The following SCMH1 variants were observed in gnomAD, a reference collection of about 807,000 sequenced individuals.
The protein encoded by SCMH1 is polycomb protein SCMH1.
SCMH1 carries 37 observed loss-of-function variants against 70.8 expected under a neutral mutation model. The ratio of observed to expected loss-of-function variants is 0.52; its 90% confidence interval spans 0.40 to 0.69. The LOEUF (loss-of-function observed/expected upper bound fraction) is 0.69, where lower values mean the gene tolerates loss of function less well. Ranked by LOEUF, SCMH1 falls within the 30% of genes least tolerant of loss-of-function variation. The pLI is 0.00. For synonymous variants in SCMH1, 292 were observed against 307.4 expected, an observed-to-expected ratio of 0.95 and a Z score of 0.52; for missense variants, 607 against 827.3, an observed-to-expected ratio of 0.73 and a Z score of 3.27.
chr1:41,049,156 A>G (rs759428526), intron 10 of SCMH1, among the ~76,000 whole-genome samples: 7 of 152,198 alleles, frequency 4.6e-5, no homozygotes, highest in Non-Finnish European at 8.8e-5. Context: ...CAGAGTTTGC[A>G]CTTTGTCTTC....
chr1:41,118,347 A>G lies in SCMH1; in HGVS notation c.413-1337T>C, dbSNP rs371426485. Among the ~76,000 whole-genome samples the G allele has an allele frequency of 2.6e-5, 4 of 152,288 alleles. No homozygotes were observed. The South Asian group carries it at 8.3e-4, about 32-fold the overall frequency. On this transcript the variant is annotated intron_variant, in intron 6 of 14. Transcript: ENST00000337495. Reference sequence around the variant, plus strand: ...ACTTTCTAGGCATTTGAAAAATCCAAAAAAGATGTGATAGGATTAACGAAT... The same window carrying G: ...ACTTTCTAGGCATTTGAAAAATCCAGAAAAGATGTGATAGGATTAACGAAT...
At chr1:41,067,006 A>G (rs1654823400) in intron 10 of SCMH1, among the ~76,000 whole-genome samples, 1 of 152,224 alleles carries the variant, frequency 6.6e-6, no homozygotes, top group Non-Finnish European at 1.5e-5. Context: ...CCGTATGTCC[A>G]CATAAAAACC....
chr1:41,148,596 T>A (rs79807295), intron 5 of SCMH1, among the ~76,000 whole-genome samples: 3,933 of 152,278 alleles, frequency 0.026, 67 homozygotes, highest in Middle Eastern at 0.044. Flanking sequence ...TTGCTTATAT[T>A]GTTTCTGACA....
At chr1:41,070,067 C>A (rs946387955) in intron 10 of SCMH1, among the ~76,000 whole-genome samples, 4 of 152,076 alleles carry the variant, frequency 2.6e-5, no homozygotes, top group African/African-American at 9.7e-5. Flanking sequence ...TGTGTATCTG[C>A]GCACAGTTCT....
chr1:41,039,791 T>C (rs1336370807), intron 12 of SCMH1, among the ~76,000 whole-genome samples: 1 of 152,048 alleles, frequency 6.6e-6, no homozygotes, highest in African/African-American at 2.4e-5. Flanking sequence ...TGCAATACTT[T>C]CAAACTGTGT....
intron 8 of SCMH1, among the ~76,000 whole-genome samples, chr1:41,105,636 G>A (rs1387525128): frequency 6.6e-6 from 1 of 152,118 alleles, no homozygotes; most frequent in Admixed American, 6.5e-5. Context: ...GTCACAATAG[G>A]TGATACACAT....
chr1:41,073,116 T>C (rs1352422561), intron 9 of SCMH1, among the ~76,000 whole-genome samples: 2 of 152,202 alleles, frequency 1.3e-5, no homozygotes, highest in Non-Finnish European at 2.9e-5. Flanking sequence ...TTTTGAGTTT[T>C]GAATGATCTT....
intron 8 of SCMH1, among the ~76,000 whole-genome samples, chr1:41,107,821 G>T (rs919268127): frequency 2.0e-5 from 3 of 152,130 alleles, no homozygotes; most frequent in Non-Finnish European, 4.4e-5. Context: ...CCTAGCCTAG[G>T]ATTACAATTT....
At chr1:41,160,884 G>A (rs1557699080) in exon 4 of SCMH1, 10 of 1,550,174 alleles carry the variant, frequency 6.5e-6, no homozygotes, top group Non-Finnish European at 6.1e-6. Flanking sequence ...CCTAGATCCA[G>A]GATGTCAGCA....
chr1:41,219,846 T>A (rs1239274742), intron 1 of SCMH1, among the ~76,000 whole-genome samples: 1 of 151,566 alleles, frequency 6.6e-6, no homozygotes. Context: ...CAGGAGAATC[T>A]CTTGAACCTG....
At chr1:41,139,846 TTTTCAGAATTATATATA>T (rs1643887290) in intron 6 of SCMH1, among the ~76,000 whole-genome samples, 2 of 152,226 alleles carry the variant, frequency 1.3e-5, no homozygotes, top group East Asian at 1.9e-4. Flanking sequence ...TAGACTTGAC[TTTTCAGAATTATATATA>T]TTTCAGAATT....
At chr1:41,152,567 A>G in intron 4 of SCMH1, 1 of 1,610,630 alleles carries the variant, frequency 6.2e-7, no homozygotes, top group South Asian at 1.1e-5. Context: ...TTTAAAGGTT[A>G]AACCAATTAC....
chr1:41,156,892 C>G (rs368789400), intron 4 of SCMH1, among the ~76,000 whole-genome samples: 1 of 151,328 alleles, frequency 6.6e-6, no homozygotes, highest in East Asian at 1.9e-4. Flanking sequence ...TTGCAAACTC[C>G]TAGGCTTGTC....
At chr1:41,176,200 C>CAAAAAAAAAAA in intron 2 of SCMH1, among the ~76,000 whole-genome samples, 1 of 101,422 alleles carries the variant, frequency 9.9e-6, no homozygotes, top group Non-Finnish European at 2.2e-5. Context: ...AAAAAAAAAA[C>CAAAAAAAAAAA]AAAAAAAAAA....
intron 1 of SCMH1, among the ~76,000 whole-genome samples, chr1:41,219,214 C>T (rs1007495732): frequency 6.6e-6 from 1 of 152,228 alleles, no homozygotes; most frequent in African/African-American, 2.4e-5. Flanking sequence ...CACAGAAGTT[C>T]TGCAATTGAG....
intron 1 of SCMH1, among the ~76,000 whole-genome samples, chr1:41,214,789 A>G (rs1268187317): frequency 1.3e-5 from 2 of 152,158 alleles, no homozygotes; most frequent in African/African-American, 4.8e-5. Context: ...CAGGGTGTCC[A>G]AAGGAAAAAG....
intron 8 of SCMH1, among the ~76,000 whole-genome samples, chr1:41,097,010 A>G (rs1028556837): frequency 1.3e-5 from 2 of 152,228 alleles, no homozygotes; most frequent in Admixed American, 1.3e-4. Context: ...GCAATGTGCA[A>G]TATGTCTAAG....
At chr1:41,189,180 A>C (rs1222586166) in intron 1 of SCMH1, among the ~76,000 whole-genome samples, 1 of 151,994 alleles carries the variant, frequency 6.6e-6, no homozygotes, top group Non-Finnish European at 1.5e-5. Context: ...ACGGAGTTTC[A>C]CTCTGGTTGC....
In SCMH1 at chr1:41,241,712, C is replaced by T. The variant is rs944613136; in HGVS notation, c.-118+347G>A. On this transcript the variant is annotated intron_variant, in intron 1 of 14. Transcript: ENST00000337495. The stretch of plus-strand genomic sequence containing the variant: ...GCCAGACACGGCGACCTATACGGAC[C>T]GCCCCCACGCCGACCCTCCAAAGGG... 3.8e-4 allele frequency among the ~76,000 whole-genome samples: 58 copies of T among 152,030 alleles called. 2 individuals are homozygous for T. The highest frequency in any genetic ancestry group is 2.9e-5 in the Non-Finnish European group (2 of 67,926).
Sources: allele counts gnomAD v4.1 joint callset (sites outside exome capture counted in the v4.1 genomes callset), GRCh38; gene constraint gnomAD v4.1.1; transcripts MANE v1.5; gene names NCBI Gene and HGNC (gene_info 2026-07-23, HGNC 2026-07-21).